Variants in F8 observed in about 807,000 individuals in gnomAD.
The protein encoded by F8 is antihemophilic factor.
F8 carries 12 observed loss-of-function variants against 140.6 expected under a neutral mutation model. The observed-to-expected ratio is 0.09, with a 90% confidence interval of 0.05 to 0.14. The LOEUF (loss-of-function observed/expected upper bound fraction) is 0.14. F8 is among the 10% of genes least tolerant of loss of function. F8 has a pLI of 1.00. For synonymous variants in F8, 585 were observed against 614.6 expected (o/e 0.95, Z 0.71); for missense variants, 1,354 against 1,720.7 (o/e 0.79, Z 3.77).
intron 13 of F8, among the ~76,000 whole-genome samples, chrX:154,937,435 C>T (rs1005210676): frequency 1.9e-5 from 2 of 107,487 alleles, no homozygotes; most frequent in Non-Finnish European, 3.8e-5. Flanking sequence ...GGGGGAGGGG[C>T]GAGGGATATC....
rs1426946014 is a variant in F8 at position 154,993,499 on chromosome X, G to A, written c.389-351C>T. Among the ~76,000 whole-genome samples the A allele has an allele frequency of 2.7e-5, 3 of 111,534 alleles. No individual in the cohort carries two copies. In the East Asian group the frequency reaches 8.4e-4, roughly 31 times the overall value. On this transcript the variant is annotated intron_variant, in intron 3 of 25. Coordinates refer to ENST00000360256, the MANE Select transcript of F8 (RefSeq NM_000132.4). ...AAACTCCTGACCTTGTGATCCACCC[G>A]CCTCAGCCTCCCAAAGTGCTGGGAT...
chrX:154,936,347 C>T (rs2073225233), intron 13 of F8, among the ~76,000 whole-genome samples: 1 of 111,432 alleles, frequency 9.0e-6, no homozygotes, highest in Non-Finnish European at 1.9e-5. Context: ...AAAAGACACA[C>T]TGTAAATATA....
At chrX:155,017,308 C>A (rs782551001) in intron 1 of F8, among the ~76,000 whole-genome samples, 1 of 112,289 alleles carries the variant, frequency 8.9e-6, no homozygotes, top group Non-Finnish European at 1.9e-5. Flanking sequence ...TATGACCCTG[C>A]ACAGAGTATC....
intron 14 of F8, among the ~76,000 whole-genome samples, chrX:154,910,906 C>T (rs781913443): frequency 9.9e-5 from 11 of 110,699 alleles, no homozygotes; most frequent in Admixed American, 5.7e-4. Flanking sequence ...AAGAGAAAAC[C>T]GCCTTAAGGC....
chrX:154,978,673 T>G (rs1167501006), intron 6 of F8, among the ~76,000 whole-genome samples: 1 of 111,669 alleles, frequency 9.0e-6, no homozygotes, highest in Non-Finnish European at 1.9e-5. Context: ...TTTTTCATGT[T>G]TCCTGTGTCC....
chrX:154,952,643 C>T (rs372307934), intron 12 of F8, among the ~76,000 whole-genome samples: 2 of 109,423 alleles, frequency 1.8e-5, no homozygotes, highest in Admixed American at 9.8e-5. Flanking sequence ...TCCGGGTTCA[C>T]GCCATTCTCC....
intron 10 of F8, among the ~76,000 whole-genome samples, chrX:154,960,624 C>A (rs1202778756): frequency 2.8e-5 from 3 of 107,599 alleles, no homozygotes; most frequent in Admixed American, 1.0e-4. Context: ...CAAGGAAGAG[C>A]AATAACATGG....
At chrX:154,859,304 C>CTT (rs782710528) in intron 25 of F8, among the ~76,000 whole-genome samples, 7 of 95,552 alleles carry the variant, frequency 7.3e-5, no homozygotes, top group Admixed American at 2.3e-4. Flanking sequence ...AGCGTATTTT[C>CTT]TTTTTTTTTT....
At chrX:154,865,331 T>A (rs2072723806) in intron 22 of F8, among the ~76,000 whole-genome samples, 1 of 110,446 alleles carries the variant, frequency 9.1e-6, no homozygotes, top group Non-Finnish European at 1.9e-5. Flanking sequence ...GAAGTGCTAA[T>A]AGTTCTTCAA....
chrX:154,959,397 A>T (rs1411848325), intron 10 of F8, among the ~76,000 whole-genome samples: 1 of 111,135 alleles, frequency 9.0e-6, no homozygotes, highest in African/African-American at 3.3e-5. Flanking sequence ...AAAAAAAAAT[A>T]AAAGATTTGG....
rs2073175501 is a variant in F8, at chrX:154,928,923, A to G, written c.4867T>C (p.Cys1623Arg). The change falls in exon 14 of 26, where the codon TGT becomes CGT. Residue 1623 changes from cysteine to arginine, a missense_variant. By Grantham distance (180) the Cys-to-Arg change is radical (BLOSUM62 -3). Coordinates refer to ENST00000360256, the MANE Select transcript of F8 (RefSeq NM_000132.4). ...KKDTILSLNA[C>R]ESNHAIAAIN... The stretch of plus-strand genomic sequence containing the variant: ...GCTGCTATTGCATGATTGCTTTCAC[A>G]AGCGTTCAGGGACAAAATGGTATCC... 1.7e-6 allele frequency: 2 copies of G among 1,209,745 alleles called. No individual in the cohort carries two copies. The highest frequency in any genetic ancestry group is 1.8e-5 in the African/African-American group (1 of 57,056).
chrX:154,837,669 G>T lies in F8; in HGVS notation c.6984C>A (p.His2328Gln). Residue 2328 changes from histidine (H) to glutamine (Q), a missense_variant, in exon 26 of 26, where the codon CAC becomes CAA. His to Gln is a conservative substitution (Grantham distance 24). This residue lies in a region of F8 where 316 missense variants were observed against 485.4 expected (regional missense o/e 0.65). Transcript: ENST00000360256. ...PPLLTRYLRI[H>Q]PQSWVHQIAL... ...CAATCTGGTGCACCCAACTCTGGGG[G>T]TGAATTCGAAGGTAGCGAGTCAGTA... is the stretch of plus-strand genomic sequence containing the variant. 1 of 1,211,283 alleles carries T rather than the reference G, an allele frequency of 8.3e-7. No homozygotes were observed. The highest frequency in any genetic ancestry group is 1.7e-5 in the African/African-American group (1 of 57,844).
chrX:154,890,304 C>G, intron 22 of F8, among the ~76,000 whole-genome samples: 1 of 111,157 alleles, frequency 9.0e-6, no homozygotes, highest in Admixed American at 9.6e-5. Context: ...GAACCCAGGA[C>G]ATAGTAGTTG....
chrX:154,928,214 C>G (rs1274184474), intron 14 of F8, among the ~76,000 whole-genome samples: 4 of 111,709 alleles, frequency 3.6e-5, no homozygotes, highest in Admixed American at 9.5e-5. Context: ...TAAAATCATC[C>G]TACTTTGCCC....
chrX:154,961,944 C>A (rs782360069), intron 9 of F8, among the ~76,000 whole-genome samples: 5 of 111,325 alleles, frequency 4.5e-5, no homozygotes, highest in Non-Finnish European at 7.5e-5. Context: ...TGGCTCTGGC[C>A]AGTTTACAGA....
intron 3 of F8, among the ~76,000 whole-genome samples, chrX:154,993,872 T>C (rs1368640460): frequency 8.9e-6 from 1 of 112,167 alleles, no homozygotes; most frequent in Non-Finnish European, 1.9e-5. Flanking sequence ...CTATGTTTGG[T>C]GGGGGACATA....
At chrX:154,855,113 C>T (rs782369202) in intron 25 of F8, among the ~76,000 whole-genome samples, 19 of 111,804 alleles carry the variant, frequency 1.7e-4, no homozygotes, top group Non-Finnish European at 2.8e-4. Context: ...GAGCGAGACT[C>T]CATCTCAAAA....
At position 154,984,776 on chromosome X, in the gene F8, T is replaced by C. The variant is rs1557284058; in HGVS notation, c.698A>G (p.Asn233Ser). The C allele has an allele frequency of 3.3e-6, 4 of 1,209,484 alleles. No individual in the cohort carries two copies. The highest frequency in any genetic ancestry group is 4.5e-6 in the Non-Finnish European group (4 of 894,058). Residue 233 changes from asparagine to serine, a missense_variant, in exon 6 of 26, where the codon AAC (asparagine) becomes AGC (serine). Transcript: ENST00000360256. ...AGCATCCCTATCCTGCATCAAGGAGTTCTTTGTTTCTGAGTGCCAACTTTT... is the reference window on the plus strand; with the variant it reads ...AGCATCCCTATCCTGCATCAAGGAGCTCTTTGTTTCTGAGTGCCAACTTTT... ...EGKSWHSETK[N>S]SLMQDRDAAS...
At chrX:154,971,033 T>C (rs1256186516) in intron 6 of F8, among the ~76,000 whole-genome samples, 2 of 111,452 alleles carry the variant, frequency 1.8e-5, no homozygotes, top group Non-Finnish European at 3.8e-5. Context: ...ATCCCCCTCA[T>C]ACTTCATTAT....
Sources: allele counts gnomAD v4.1 joint callset (sites outside exome capture counted in the v4.1 genomes callset), GRCh38; gene constraint gnomAD v4.1.1; regional missense constraint gnomAD v4.1.1; transcripts MANE v1.5; gene names NCBI Gene and HGNC (gene_info 2026-07-23, HGNC 2026-07-21).